The following MTRF1 variants were observed in gnomAD, a reference collection of about 807,000 sequenced individuals.
MTRF1 encodes the protein mitochondrial translation release factor 1, also known as peptide chain release factor 1, mitochondrial.
MTRF1 carries 51 observed loss-of-function variants against 62.9 expected under a neutral mutation model. That is an observed-to-expected ratio of 0.81 (90% confidence interval 0.65 to 1.02). The LOEUF (loss-of-function observed/expected upper bound fraction) is 1.02. Among genes scored for constraint, MTRF1 ranks in the 50% least tolerant of loss-of-function variants. The pLI is 0.00. For missense variants in MTRF1, 446 were observed against 530.0 expected (o/e 0.84, Z 1.56); for synonymous variants, 158 against 181.9 (o/e 0.87, Z 1.06).
At chr13:41,276,817 G>C in the MTRF1 span, among the ~76,000 whole-genome samples, 4 of 152,104 alleles carry the variant, frequency 2.6e-5, no homozygotes, top group Admixed American at 2.6e-4. Context: ...TATTCCAAAG[G>C]TCCTACAGAT....
At chr13:41,306,420 A>G in the MTRF1 span, among the ~76,000 whole-genome samples, 1 of 152,026 alleles carries the variant, frequency 6.6e-6, no homozygotes. Flanking sequence ...AGCCAAGAAC[A>G]TGGAAGAGAG....
At chr13:41,263,429 C>A in intron 1 of MTRF1, 56 bp downstream of exon 1, 2 of 473,588 alleles carry the variant, frequency 4.2e-6, no homozygotes, top group South Asian at 1.8e-5. Flanking sequence ...TGGAGTGATT[C>A]CATAAAGAGG....
At chr13:41,311,454 G>A in the MTRF1 span, 1 of 1,437,394 alleles carries the variant, frequency 7.0e-7, no homozygotes, top group Non-Finnish European at 9.6e-7. Context: ...GTTCGTCCCG[G>A]TGCCCACCCC....
At chr13:41,288,951 C>T in the MTRF1 span, among the ~76,000 whole-genome samples, 1 of 152,060 alleles carries the variant, frequency 6.6e-6, no homozygotes, top group East Asian at 1.9e-4. Flanking sequence ...GCATAGTGGC[C>T]AGCCATCAGA....
the MTRF1 span, among the ~76,000 whole-genome samples, chr13:41,297,021 T>G: frequency 6.6e-6 from 1 of 152,148 alleles, no homozygotes; most frequent in Non-Finnish European, 1.5e-5. Context: ...ACAAGTACTC[T>G]TAAACACTGA....
the MTRF1 span, among the ~76,000 whole-genome samples, chr13:41,300,571 G>A: frequency 3.7e-3 from 543 of 145,766 alleles, 7 homozygotes; most frequent in African/African-American, 0.013. Context: ...GGGCGACACA[G>A]CAAGACTCCG....
chr13:41,244,166 T>C (rs2037920634), intron 5 of MTRF1, among the ~76,000 whole-genome samples: 1 of 152,346 alleles, frequency 6.6e-6, no homozygotes, highest in East Asian at 1.9e-4. Context: ...TGATAACAAA[T>C]TGTTCCCTTC....
chr13:41,224,573 G>C (rs1313128042), intron 8 of MTRF1, among the ~76,000 whole-genome samples: 2 of 152,128 alleles, frequency 1.3e-5, no homozygotes, highest in Non-Finnish European at 2.9e-5. Context: ...AATCAGCCAA[G>C]TTTGGAAACC....
At chr13:41,303,857 AAACT>A in the MTRF1 span, among the ~76,000 whole-genome samples, 1 of 152,252 alleles carries the variant, frequency 6.6e-6, no homozygotes, top group Non-Finnish European at 1.5e-5. Flanking sequence ...GTAATTAAGA[AAACT>A]AATTGTTTAA....
the MTRF1 span, among the ~76,000 whole-genome samples, chr13:41,275,021 A>G: frequency 6.6e-6 from 1 of 152,188 alleles, no homozygotes; most frequent in East Asian, 1.9e-4. Context: ...AAAACATAGT[A>G]ATTCTTGATT....
intron 6 of MTRF1, among the ~76,000 whole-genome samples, chr13:41,234,359 T>G (rs2036113372): frequency 6.6e-6 from 1 of 152,148 alleles, no homozygotes; most frequent in Non-Finnish European, 1.5e-5. Context: ...AAAAATTTCT[T>G]GTACAGATGG....
At chr13:41,311,594 T>G in the MTRF1 span, 1 of 1,601,914 alleles carries the variant, frequency 6.2e-7, no homozygotes, top group Admixed American at 1.7e-5. Flanking sequence ...TGAGTGGCCG[T>G]AGGCCGCGCT....
At chr13:41,223,383 T>C (rs1305363274) in intron 8 of MTRF1, 29 bp from the exon 9 acceptor site, 1 of 1,561,432 alleles carries the variant, frequency 6.4e-7, no homozygotes. Context: ...CAATTTATAT[T>C]TTACCTTTAT....
At chr13:41,277,129 CT>C in the MTRF1 span, among the ~76,000 whole-genome samples, 580 of 141,896 alleles carry the variant, frequency 4.1e-3, no homozygotes, top group African/African-American at 4.4e-3. Context: ...ATCAATTAAA[CT>C]TTTTTTTTTT....
the MTRF1 span, among the ~76,000 whole-genome samples, chr13:41,271,887 G>T: frequency 6.6e-6 from 1 of 152,068 alleles, no homozygotes; most frequent in Admixed American, 6.5e-5. Context: ...AACTTGAGGA[G>T]AAAAAGGAAT....
chr13:41,309,533 A>T, the MTRF1 span, among the ~76,000 whole-genome samples: 1 of 152,052 alleles, frequency 6.6e-6, no homozygotes, highest in African/African-American at 2.4e-5. Context: ...TCTTTTGGGT[A>T]TATACCCAGC....
Position 41,260,503 on chromosome 13 carries a change from T to G in MTRF1, c.405A>C (p.Ser135=), listed in dbSNP as rs191606711. 1 of 1,612,150 alleles carries G rather than the reference T, an allele frequency of 6.2e-7. No homozygotes were observed. Among genetic ancestry groups the G allele is most frequent in the Admixed American group, 1.7e-5 (1 of 59,838 alleles). Residue 135 remains serine, a synonymous_variant, in exon 2 of 10, where the codon TCA becomes TCC. Transcript: ENST00000379480. ...GTATCTTTTACCTACTTTTACACAT[T>G]GATTCTAATTCTTCAATTGCTTGTT... The part of the protein sequence containing the change: ...ETEQAIEELE[S]MCKSLNKQDE...
At chr13:41,226,024 C>T (rs1288219041) in intron 8 of MTRF1, among the ~76,000 whole-genome samples, 2 of 152,106 alleles carry the variant, frequency 1.3e-5, no homozygotes, top group Non-Finnish European at 2.9e-5. Flanking sequence ...GTAGTATTCA[C>T]TGTTCCCAGT....
chr13:41,278,782 C>T, the MTRF1 span, among the ~76,000 whole-genome samples: 2 of 152,260 alleles, frequency 1.3e-5, no homozygotes, highest in East Asian at 3.9e-4. Context: ...TACATTGACT[C>T]TTAGTCCCTG....
Sources: allele counts gnomAD v4.1 joint callset (sites outside exome capture counted in the v4.1 genomes callset), GRCh38; gene constraint gnomAD v4.1.1; transcripts MANE v1.5; gene names NCBI Gene and HGNC (gene_info 2026-07-23, HGNC 2026-07-21).